The following ANKRD33B variants were observed in gnomAD, a reference collection of about 807,000 sequenced individuals.
The protein encoded by ANKRD33B is ankyrin repeat domain 33B.
ANKRD33B carries 6 observed loss-of-function variants against 21.5 expected under a neutral mutation model. The ratio of observed to expected loss-of-function variants is 0.28; its 90% confidence interval spans 0.15 to 0.55. ANKRD33B has a LOEUF of 0.55. Ranked by LOEUF, ANKRD33B falls within the 20% of genes least tolerant of loss-of-function variation. The pLI is 0.94. For synonymous variants in ANKRD33B, 347 were observed against 342.4 expected (o/e 1.01, Z -0.15); for missense variants, 698 against 747.2 (o/e 0.93, Z 0.77).
chr5:10,625,386 C>T (rs935891073), intron 2 of ANKRD33B, among the ~76,000 whole-genome samples: 4 of 152,254 alleles, frequency 2.6e-5, no homozygotes, highest in African/African-American at 9.6e-5. Flanking sequence ...AGACCTCATT[C>T]AGTCCTTTCC....
chr5:10,634,139 GAT>G (rs1389771302), intron 2 of ANKRD33B, among the ~76,000 whole-genome samples: 1 of 152,214 alleles, frequency 6.6e-6, no homozygotes, highest in African/African-American at 2.4e-5. Flanking sequence ...TCATTTTACA[GAT>G]ATGGAAAAGC....
rs546911691 is a variant in ANKRD33B, at chr5:10,589,026, A to C, written c.366+24193A>C. On this transcript the variant is annotated intron_variant, in intron 1 of 3. Transcript: ENST00000296657. ...CAGTCTTCACGCAGCTCCTGTTTTC[A>C]TGTTCTGGGTAGATAAGACCCCATA... Among the ~76,000 whole-genome samples the C allele has an allele frequency of 2.0e-5, 3 of 152,140 alleles. No homozygotes were observed. The South Asian group carries it at 6.2e-4, about 32-fold the overall frequency.
chr5:10,637,890 G>A (rs1736909313), intron 2 of ANKRD33B, 138 bp from the exon 3 acceptor site: 5 of 962,884 alleles, frequency 5.2e-6, no homozygotes, highest in South Asian at 3.4e-5. Context: ...CTGTCTTGGG[G>A]TCCGAGAAAA....
intron 1 of ANKRD33B, among the ~76,000 whole-genome samples, chr5:10,610,341 G>A (rs760886720): frequency 3.9e-5 from 6 of 152,234 alleles, no homozygotes; most frequent in Non-Finnish European, 8.8e-5. Context: ...ATAAATGAGG[G>A]TAGGAGATGC....
At chr5:10,614,031 A>C (rs1355672458) in intron 1 of ANKRD33B, among the ~76,000 whole-genome samples, 1 of 80,712 alleles carries the variant, frequency 1.2e-5, no homozygotes, top group East Asian at 6.2e-4. Flanking sequence ...GTGTGTATAA[A>C]CATATATGTA....
chr5:10,638,491 GATCCCT>G (rs1340223245), intron 3 of ANKRD33B, among the ~76,000 whole-genome samples: 2 of 152,250 alleles, frequency 1.3e-5, no homozygotes, highest in Non-Finnish European at 2.9e-5. Context: ...AGAAAGGGGT[GATCCCT>G]TGGCTGTAAA....
chr5:10,652,982 C>T lies in ANKRD33B; in HGVS notation c.*2869C>T, dbSNP rs1338345999. On this transcript the variant is annotated 3_prime_UTR_variant, in exon 4 of 4. Coordinates refer to ENST00000296657, the MANE Select transcript of ANKRD33B (RefSeq NM_001164440.2). This position sits in a 1 kb window ranked among gnomAD's most constrained non-coding sequence, Gnocchi z 4.1. ...GCCATTACCTGGCCAGTGTTTGCAA[C>T]TCGAGGGAAAATGACAGCTGCATGG... 1 of 179,078 alleles carries T rather than the reference C, an allele frequency of 5.6e-6. No individual in the cohort carries two copies. Among genetic ancestry groups the T allele is most frequent in the African/African-American group, 2.4e-5 (1 of 42,168 alleles). 11.1% of individuals were successfully genotyped at this position (179,078 alleles called of 1,614,324 possible).
intron 3 of ANKRD33B, among the ~76,000 whole-genome samples, chr5:10,641,322 G>A (rs1378530391): frequency 4.1e-5 from 6 of 144,998 alleles, no homozygotes; most frequent in Middle Eastern, 3.9e-3. Flanking sequence ...TCCACCTCCC[G>A]GGTTCAAGCG....
rs750540177 is a variant in ANKRD33B, at chr5:10,564,763, GGCTGCTGCGGAC to G, written c.301_312del (p.Leu101_Leu104del). The G allele has an allele frequency of 1.3e-6, 2 of 1,527,960 alleles. No individual in the cohort carries two copies. Among genetic ancestry groups the G allele is most frequent in the Non-Finnish European group, 8.8e-7 (1 of 1,141,750 alleles). The allele number at this position is 1,527,960 out of a possible 1,614,324, so 94.7% of individuals were successfully genotyped here. On this transcript the variant is annotated inframe_deletion, in exon 1 of 4. Transcript: ENST00000296657. The stretch of plus-strand genomic sequence containing the variant: ...CGCGCCGCCTGCGCCAACAACGTGG[GGCTGCTGCGGAC>G]GCTGGTGCGGCGCGGGGTGAGCGTC...
rs756123410 is a variant in ANKRD33B at position 10,649,280 on chromosome 5, G to A, written c.652G>A (p.Ala218Thr). 1.7e-5 allele frequency: 26 copies of A among 1,524,784 alleles called. No homozygotes were observed. Among genetic ancestry groups the A allele is most frequent in the Non-Finnish European group, 7.0e-6 (8 of 1,139,394 alleles). 94.5% of individuals were successfully genotyped at this position (1,524,784 alleles called of 1,614,324 possible). ...ALMLAGADVH[A>T]RDPRRGMSPQ... ...GCGTTTTGCAGGGGCGGATGTCCAC[G>A]CGAGGGACCCCCGCCGTGGGATGTC... is the stretch of plus-strand genomic sequence containing the variant. Residue 218 changes from alanine to threonine, a missense_variant, in exon 4 of 4, where the codon GCG becomes ACG. Around this residue, in one of 3 missense-constraint regions of ANKRD33B, gnomAD observed 543 missense variants for 566.5 expected, o/e 0.96. Transcript: ENST00000296657.
intron 1 of ANKRD33B, among the ~76,000 whole-genome samples, chr5:10,597,830 A>G (rs563081018): frequency 1.3e-5 from 2 of 152,324 alleles, no homozygotes; most frequent in Non-Finnish European, 2.9e-5. Flanking sequence ...AATCATAACA[A>G]ACAGTCTCTC....
intron 1 of ANKRD33B, among the ~76,000 whole-genome samples, chr5:10,605,340 T>C (rs906874782): frequency 9.2e-5 from 14 of 152,286 alleles, no homozygotes; most frequent in South Asian, 4.1e-4. Context: ...ACGAAGATCA[T>C]TGGGGCCATC....
chr5:10,617,937 G>A (rs1006039056), intron 1 of ANKRD33B, among the ~76,000 whole-genome samples: 2 of 152,120 alleles, frequency 1.3e-5, no homozygotes, highest in African/African-American at 4.8e-5. Flanking sequence ...GCCAAGCCCA[G>A]CCTGACCACT....
In ANKRD33B at chr5:10,654,420, ATAGT is replaced by A. The variant is rs1223484635; in HGVS notation, c.*4311_*4314del. ...CCTTCTCAGGGATTTATATATAAAT[ATAGT>A]TAGAGGAAAAGTTGAAGTCTATTTT... On this transcript the variant is annotated 3_prime_UTR_variant, in exon 4 of 4. Transcript: ENST00000296657. The A allele has an allele frequency of 6.6e-6, 1 of 152,358 alleles. No individual in the cohort carries two copies. Among genetic ancestry groups the A allele is most frequent in the Non-Finnish European group, 1.5e-5 (1 of 68,038 alleles). 9.4% of individuals were successfully genotyped at this position (152,358 alleles called of 1,614,324 possible).
chr5:10,657,351 G>C lies in ANKRD33B; in HGVS notation c.*7238G>C, dbSNP rs1054795325. On this transcript the variant is annotated 3_prime_UTR_variant, in exon 4 of 4. Transcript: ENST00000296657. Reference sequence around the variant, plus strand: ...TGACTTTATGACCGTTCTAAGGATTGAACAGATTCCTGCACAGGGTGCCAG... The same window carrying C: ...TGACTTTATGACCGTTCTAAGGATTCAACAGATTCCTGCACAGGGTGCCAG... 6.6e-6 allele frequency: 1 copy of C among 152,366 alleles called. No individual in the cohort carries two copies. The highest frequency in any genetic ancestry group is 1.9e-4 in the East Asian group (1 of 5,338). The allele number at this position is 152,366 out of a possible 1,614,324, so 9.4% of individuals were successfully genotyped here. A position where few individuals can be genotyped will look rare whatever the true frequency, so the allele number is the denominator to read the frequency against.
chr5:10,623,016 G>C (rs1040196634), intron 2 of ANKRD33B, among the ~76,000 whole-genome samples: 1 of 152,076 alleles, frequency 6.6e-6, no homozygotes, highest in Non-Finnish European at 1.5e-5. Flanking sequence ...TCCAGGTGCA[G>C]GCCCCGCAGC....
intron 1 of ANKRD33B, among the ~76,000 whole-genome samples, chr5:10,586,377 A>T (rs1389765735): frequency 6.6e-6 from 1 of 152,182 alleles, no homozygotes; most frequent in Non-Finnish European, 1.5e-5. Context: ...ATGAAGAAGA[A>T]AGAAAAGGCT....
rs141748293 is a variant in ANKRD33B at position 10,567,665 on chromosome 5, A to G, written c.366+2832A>G. Among the ~76,000 whole-genome samples, 1,101 of 152,300 alleles carry G rather than the reference A, an allele frequency of 7.2e-3. 11 individuals are homozygous for G. Among genetic ancestry groups the G allele is most frequent in the African/African-American group, 0.025 (1,045 of 41,554 alleles). The stretch of plus-strand genomic sequence containing the variant: ...GCAAGGGTAATGTAGGCATTCACAC[A>G]TTTAGGGCTGAAATTATAAATAGGA... On this transcript the variant is annotated intron_variant, in intron 1 of 3. Transcript: ENST00000296657.
intron 2 of ANKRD33B, among the ~76,000 whole-genome samples, chr5:10,620,508 T>A (rs1449712160): frequency 6.6e-6 from 1 of 152,090 alleles, no homozygotes; most frequent in African/African-American, 2.4e-5. Context: ...AAGGATTAGG[T>A]CATGACAATA....
Sources: gnomAD v4.1 joint callset for allele counts (sites outside exome capture counted in the v4.1 genomes callset) on GRCh38, gnomAD v4.1.1 for gene constraint, gnomAD v4.1.1 regional missense constraint, Gnocchi (gnomAD v3.1) non-coding constraint, MANE v1.5 for transcripts, NCBI Gene and HGNC (gene_info 2026-07-23, HGNC 2026-07-21) for gene names.